The following PCSK5 variants were observed in gnomAD, a reference collection of about 807,000 sequenced individuals.
PCSK5 encodes the protein proprotein convertase subtilisin/kexin type 5.
In PCSK5, 129 loss-of-function variants were observed where a neutral mutation model predicts 233.2. The ratio of observed to expected loss-of-function variants is 0.55; its 90% CI spans 0.48 to 0.64. The LOEUF is 0.64. Among genes scored for constraint, PCSK5 ranks in the 30% least tolerant of loss-of-function variants. PCSK5 has a pLI of 0.00. For synonymous variants in PCSK5, 825 were observed against 879.2 expected, an observed-to-expected ratio of 0.94 and a Z score of 1.09; for missense variants, 2,076 against 2,430.1, an observed-to-expected ratio of 0.85 and a Z score of 3.06.
chr9:76,314,795 C>T (rs191796714), intron 30 of PCSK5, among the ~76,000 whole-genome samples: 197 of 151,898 alleles, frequency 1.3e-3, no homozygotes, highest in South Asian at 3.3e-3. Flanking sequence ...TGCCACCACA[C>T]CTGGCTTATA....
chr9:76,232,809 T>C (rs1174327139), intron 21 of PCSK5, among the ~76,000 whole-genome samples: 1 of 152,242 alleles, frequency 6.6e-6, no homozygotes, highest in Non-Finnish European at 1.5e-5. Flanking sequence ...TAGAAGCCCA[T>C]ATACCAACTC....
At chr9:76,317,003 A>G (rs1829051988) in intron 30 of PCSK5, among the ~76,000 whole-genome samples, 1 of 152,018 alleles carries the variant, frequency 6.6e-6, no homozygotes, top group South Asian at 2.1e-4. Context: ...TTTTATCTGG[A>G]TGCTATTTCT....
chr9:76,244,149 C>G (rs1401016273), intron 24 of PCSK5, among the ~76,000 whole-genome samples: 1 of 152,118 alleles, frequency 6.6e-6, no homozygotes, highest in Non-Finnish European at 1.5e-5. Context: ...TCACCTGAGC[C>G]TGGGAAGTCA....
At chr9:76,009,607 C>A (rs1827638430) in intron 3 of PCSK5, among the ~76,000 whole-genome samples, 1 of 146,492 alleles carries the variant, frequency 6.8e-6, no homozygotes. Flanking sequence ...AGCCTGGCGA[C>A]AGAGCGAGAC....
intron 31 of PCSK5, 31 bp downstream of exon 31, chr9:76,321,670 G>A: frequency 6.9e-7 from 1 of 1,457,348 alleles, no homozygotes; most frequent in African/African-American, 1.4e-5. Context: ...GGAGAGCAAG[G>A]CTCTGCTGAG....
At chr9:76,335,632 T>C (rs1027603946) in intron 34 of PCSK5, among the ~76,000 whole-genome samples, 1 of 152,210 alleles carries the variant, frequency 6.6e-6, no homozygotes, top group Non-Finnish European at 1.5e-5. Context: ...TCTGTTCCAA[T>C]AAACTCTTCA....
intron 20 of PCSK5, among the ~76,000 whole-genome samples, chr9:76,204,482 T>G (rs35258503): frequency 0.16 from 24,822 of 151,520 alleles, 2,703 homozygotes; most frequent in Non-Finnish European, 0.24. Flanking sequence ...CTCTCTCTCT[T>G]TCTCTCCTCT....
chr9:76,179,646 G>T lies in PCSK5; in HGVS notation c.1951G>T (p.Asp651Tyr). The change falls in exon 15 of 38, where the codon GAC becomes TAC. Residue 651 changes from aspartate to tyrosine, a missense_variant. This residue lies in a region of PCSK5 where 84 missense variants were observed against 108.8 expected (regional missense o/e 0.77). Coordinates refer to ENST00000674117, the MANE Select transcript of PCSK5 (RefSeq NM_001372043.1). ...GGTTGGCTGTGACGGGCCAGGACCA[G>T]ACCACTGCAATGACTGTTTGCACTA... is the stretch of plus-strand genomic sequence containing the variant. ...SEVGCDGPGP[D>Y]HCNDCLHYYY... 6.2e-7 allele frequency: 1 copy of T among 1,613,912 alleles called. No homozygotes were observed. The highest frequency in any genetic ancestry group is 1.1e-5 in the South Asian group (1 of 91,056).
At chr9:76,033,167 A>T (rs911733978) in intron 5 of PCSK5, among the ~76,000 whole-genome samples, 15 of 152,162 alleles carry the variant, frequency 9.9e-5, no homozygotes, top group African/African-American at 3.4e-4. Flanking sequence ...TTGTGAGGAG[A>T]TAGTGTTCCA....
intron 1 of PCSK5, among the ~76,000 whole-genome samples, chr9:75,898,345 C>G (rs924448616): frequency 1.3e-5 from 2 of 152,216 alleles, no homozygotes; most frequent in African/African-American, 4.8e-5. Context: ...CTAATGTCAG[C>G]TGTTTCTCCT....
chr9:76,309,835 A>G lies in PCSK5; in HGVS notation c.3689-821A>G, dbSNP rs190566372. Among the ~76,000 whole-genome samples, 60 of 152,366 alleles carry G rather than the reference A, an allele frequency of 3.9e-4. 1 individual carries two copies. The highest frequency in any genetic ancestry group is 6.8e-3 in the Middle Eastern group (2 of 294). ...ATATAAAATATAAAAGGTTACACTCAAAAAGCTAAAGCATTTTCCTGGAAT... is the reference window on the plus strand; with the variant it reads ...ATATAAAATATAAAAGGTTACACTCGAAAAGCTAAAGCATTTTCCTGGAAT... On this transcript the variant is annotated intron_variant, in intron 29 of 37. Coordinates refer to ENST00000674117, the MANE Select transcript of PCSK5 (RefSeq NM_001372043.1).
At chr9:76,195,355 GTGAT>G (rs1359537631) in intron 20 of PCSK5, 1 of 152,162 alleles carries the variant, frequency 6.6e-6, no homozygotes. Flanking sequence ...CGAGGTTACT[GTGAT>G]TGATAGGAAA....
chr9:75,984,458 T>C (rs1374683879), intron 2 of PCSK5, among the ~76,000 whole-genome samples: 2 of 152,218 alleles, frequency 1.3e-5, no homozygotes, highest in Non-Finnish European at 2.9e-5. Context: ...GGATTAGTTT[T>C]GAAAAGAGTT....
intron 3 of PCSK5, among the ~76,000 whole-genome samples, chr9:76,000,618 T>C (rs1827221110): frequency 6.6e-6 from 1 of 152,228 alleles, no homozygotes; most frequent in Non-Finnish European, 1.5e-5. Context: ...TTCATTTTAT[T>C]TATCAGGGGC....
intron 24 of PCSK5, among the ~76,000 whole-genome samples, chr9:76,263,646 G>T (rs534902206): frequency 6.6e-6 from 1 of 151,416 alleles, no homozygotes; most frequent in South Asian, 2.1e-4. Flanking sequence ...GGGGAGTGGG[G>T]AGGGATAGCA....
chr9:75,959,884 C>T (rs1825267181), intron 2 of PCSK5, among the ~76,000 whole-genome samples: 1 of 152,184 alleles, frequency 6.6e-6, no homozygotes, highest in Admixed American at 6.5e-5. Context: ...ACAATAGCTG[C>T]CTGTTGAGTG....
intron 5 of PCSK5, among the ~76,000 whole-genome samples, chr9:76,031,826 GATAA>G (rs2131507255): frequency 6.6e-6 from 1 of 152,190 alleles, no homozygotes; most frequent in African/African-American, 2.4e-5. Flanking sequence ...TCTAATTCTT[GATAA>G]ATAACTAGTT....
Position 75,902,087 on chromosome 9 carries a change from G to C in PCSK5, c.192+10714G>C, listed in dbSNP as rs181365230. Among the ~76,000 whole-genome samples, 56 of 151,698 alleles carry C rather than the reference G, an allele frequency of 3.7e-4. No individual in the cohort carries two copies. The East Asian group carries it at 9.7e-3, about 26-fold the overall frequency. On this transcript the variant is annotated intron_variant, in intron 1 of 37. Coordinates refer to ENST00000674117, the MANE Select transcript of PCSK5 (RefSeq NM_001372043.1). ...AAAAATTAGCGGGGTGTGGTGTCGA[G>C]CGTCTGTAATCCCAGCTACTCAGGA...
At chr9:76,182,302 A>G (rs140418194) in intron 16 of PCSK5, among the ~76,000 whole-genome samples, 19 of 152,034 alleles carry the variant, frequency 1.2e-4, no homozygotes, top group African/African-American at 3.6e-4. Context: ...ACTTTTTAAA[A>G]AGTTCAAAAA....
Sources: allele counts gnomAD v4.1 joint callset (sites outside exome capture counted in the v4.1 genomes callset), GRCh38; gene constraint gnomAD v4.1.1; regional missense constraint gnomAD v4.1.1; transcripts MANE v1.5; gene names NCBI Gene and HGNC (gene_info 2026-07-23, HGNC 2026-07-21).